IFT88: variants seen among roughly 807,000 people sequenced by gnomAD.
IFT88 encodes the protein intraflagellar transport protein 88 homolog.
IFT88 carries 74 observed loss-of-function variants against 119.5 expected under a neutral mutation model. That is an observed-to-expected ratio of 0.62 (90% CI 0.51 to 0.75). The LOEUF (loss-of-function observed/expected upper bound fraction) is 0.75. Among genes scored for constraint, IFT88 ranks in the 30% least tolerant of loss-of-function variants. IFT88 has a pLI of 0.00. For synonymous variants in IFT88, 279 were observed against 316.7 expected, an observed-to-expected ratio of 0.88 and a Z score of 1.26; for missense variants, 961 against 977.7, an observed-to-expected ratio of 0.98 and a Z score of 0.23.
At chr13:20,686,552 GAT>G (rs1391276577) in intron 24 of IFT88, among the ~76,000 whole-genome samples, 1 of 84,754 alleles carries the variant, frequency 1.2e-5, no homozygotes, top group Non-Finnish European at 2.3e-5. Context: ...TGGTGTTAAA[GAT>G]AAAGAAATTG....
In IFT88 at chr13:20,690,743, C is replaced by G. The variant is rs752479820; in HGVS notation, c.2281C>G (p.Arg761Gly). 1 of 1,613,486 alleles carries G rather than the reference C, an allele frequency of 6.2e-7. No individual in the cohort carries two copies. The highest frequency in any genetic ancestry group is 1.3e-5 in the African/African-American group (1 of 74,892). The change falls in exon 25 of 26, where the codon CGA becomes GGA. Residue 761 changes from arginine to glycine, a missense_variant. Arg to Gly is a moderately radical substitution (Grantham distance 125). Coordinates refer to ENST00000351808, the MANE Select transcript of IFT88 (RefSeq NM_006531.5). ...QNYSASSKGE[R>G]LSARLRALPG... ...CTATAGTGCCAGTAGTAAAGGTGAACGACTAAGTGCCAGACTCAGAGCTTT... is the reference window on the plus strand; with the variant it reads ...CTATAGTGCCAGTAGTAAAGGTGAAGGACTAAGTGCCAGACTCAGAGCTTT...
At chr13:20,676,923 G>A (rs997088165) in intron 24 of IFT88, among the ~76,000 whole-genome samples, 4 of 151,602 alleles carry the variant, frequency 2.6e-5, no homozygotes, top group African/African-American at 9.7e-5. Context: ...TTATATATAC[G>A]TGTGTGCTCA....
rs9552244 is a variant in IFT88, at chr13:20,567,683, A to G, written c.-7+427A>G. ...TTTTCTTGTTAGGTGAAGCACTTCA[A>G]ATTGCCTGATGAAAGTTGAATCAGG... On this transcript the variant is annotated intron_variant, in intron 1 of 25. Transcript: ENST00000351808. 0.086 allele frequency: 98,369 copies of G among 1,142,676 alleles called. 5,674 individuals are homozygous for G. Among genetic ancestry groups the G allele is most frequent in the East Asian group, 0.38 (9,059 of 24,130 alleles). 70.8% of individuals were successfully genotyped at this position (1,142,676 alleles called of 1,614,324 possible). A position where few individuals can be genotyped will look rare whatever the true frequency, so the allele number is the denominator to read the frequency against.
chr13:20,669,828 C>T (rs1386376314), intron 23 of IFT88, among the ~76,000 whole-genome samples: 3 of 152,052 alleles, frequency 2.0e-5, no homozygotes, highest in African/African-American at 7.2e-5. Flanking sequence ...TGTTTAAATT[C>T]TTACTTTGCT....
rs774101772 is a variant in IFT88 at position 20,583,071 on chromosome 13, A to T, written c.153+52A>T. ...TGTGGTAAAAAATACATAACATGAA[A>T]TTTACCAGATTAACCATTTTCACCT... On this transcript the variant is annotated intron_variant, in intron 3 of 25. Transcript: ENST00000351808. The T allele has an allele frequency of 5.5e-6, 6 of 1,096,120 alleles. No homozygotes were observed. The African/African-American group carries it at 7.8e-5, about 14-fold the overall frequency. The allele number at this position is 1,096,120 out of a possible 1,614,324, so 67.9% of individuals were successfully genotyped here.
Position 20,601,907 on chromosome 13 carries a change from G to T in IFT88, c.1015G>T (p.Asp339Tyr). The change falls in exon 12 of 26, where the codon GAT becomes TAT. Residue 339 changes from aspartate (D) to tyrosine (Y), a missense_variant. Physicochemically the swap from Asp to Tyr is radical, Grantham distance 160 (BLOSUM62 -3). Coordinates refer to ENST00000351808, the MANE Select transcript of IFT88 (RefSeq NM_006531.5). ...QKLITVPLEI[D>Y]EDKYISPSDD... Reference sequence around the variant, plus strand: ...ATTGATTACTGTTCCATTAGAAATTGATGAAGATAAATATATTTCACCAAG... The same window carrying T: ...ATTGATTACTGTTCCATTAGAAATTTATGAAGATAAATATATTTCACCAAG... The T allele has an allele frequency of 6.3e-7, 1 of 1,594,328 alleles. No homozygotes were observed. The highest frequency in any genetic ancestry group is 1.1e-5 in the South Asian group (1 of 90,636).
At chr13:20,586,136 G>A (rs2039623329) in intron 3 of IFT88, among the ~76,000 whole-genome samples, 1 of 152,192 alleles carries the variant, frequency 6.6e-6, no homozygotes, top group Admixed American at 6.5e-5. Context: ...TTATAGATGA[G>A]GAAACTGAAG....
chr13:20,592,427 G>A, intron 7 of IFT88, 23 bp downstream of exon 7: 1 of 1,517,840 alleles, frequency 6.6e-7, no homozygotes, highest in South Asian at 1.2e-5. Flanking sequence ...TTATGTTGTT[G>A]TTTGTTGTTG....
intron 19 of IFT88, among the ~76,000 whole-genome samples, chr13:20,643,916 G>C (rs1225896355): frequency 1.3e-5 from 2 of 152,122 alleles, no homozygotes; most frequent in Non-Finnish European, 2.9e-5. Flanking sequence ...ACCACGTGCA[G>C]CTAATTTTTG....
chr13:20,627,163 A>T lies in IFT88; in HGVS notation c.1299+1314A>T, dbSNP rs184148352. Among the ~76,000 whole-genome samples, 12 of 152,366 alleles carry T rather than the reference A, an allele frequency of 7.9e-5. No homozygotes were observed. In the East Asian group the frequency reaches 2.3e-3, roughly 29 times the overall value. ...TATGCTTAATTTTTTGAGCATTTAC[A>T]AAACATTTGAAAAAGACTTTTCAAA... is the stretch of plus-strand genomic sequence containing the variant. On this transcript the variant is annotated intron_variant, in intron 15 of 25. Transcript: ENST00000351808.
At chr13:20,607,562 G>T in intron 13 of IFT88, 2 of 727,098 alleles carry the variant, frequency 2.8e-6, no homozygotes, top group Non-Finnish European at 2.6e-6. Context: ...TCTCCAAAAA[G>T]ATCTTGAGAG....
At chr13:20,648,657 G>A (rs181688195) in intron 20 of IFT88, among the ~76,000 whole-genome samples, 2 of 152,050 alleles carry the variant, frequency 1.3e-5, no homozygotes, top group African/African-American at 2.4e-5. Context: ...AATAGCAGAA[G>A]CAAATCCTTC....
At chr13:20,588,394 T>C (rs958941050) in intron 3 of IFT88, among the ~76,000 whole-genome samples, 2 of 152,134 alleles carry the variant, frequency 1.3e-5, no homozygotes, top group African/African-American at 4.8e-5. Flanking sequence ...CACTTCTGAG[T>C]TTCTTTCTAT....
intron 16 of IFT88, among the ~76,000 whole-genome samples, chr13:20,636,529 G>A (rs1271380549): frequency 1.3e-5 from 2 of 152,100 alleles, no homozygotes; most frequent in Admixed American, 1.3e-4. Context: ...AATCCCCTTG[G>A]CCACATGTTG....
chr13:20,690,350 A>T (rs200148848), intron 24 of IFT88, among the ~76,000 whole-genome samples: 2 of 152,168 alleles, frequency 1.3e-5, no homozygotes, highest in Non-Finnish European at 2.9e-5. Flanking sequence ...ATCCTCAGTG[A>T]TACATATTAC....
At chr13:20,602,898 A>G (rs1391267851) in intron 12 of IFT88, among the ~76,000 whole-genome samples, 1 of 152,050 alleles carries the variant, frequency 6.6e-6, no homozygotes, top group African/African-American at 2.4e-5. Context: ...AAAAAAAGTG[A>G]AATAAATTCC....
At position 20,655,074 on chromosome 13, in the gene IFT88, C is replaced by T. The variant is rs566588899; in HGVS notation, c.2002+1146C>T. Reference sequence around the variant, plus strand: ...CCCAAATTCGTTTTTCCTATTTTGGCTGCTACATGAAGCTAAATTATTTTG... The same window carrying T: ...CCCAAATTCGTTTTTCCTATTTTGGTTGCTACATGAAGCTAAATTATTTTG... On this transcript the variant is annotated intron_variant, in intron 21 of 25. Coordinates refer to ENST00000351808, the MANE Select transcript of IFT88 (RefSeq NM_006531.5). 2.6e-5 allele frequency among the ~76,000 whole-genome samples: 4 copies of T among 152,266 alleles called. No homozygotes were observed. The South Asian group carries it at 8.3e-4, about 32-fold the overall frequency.
chr13:20,663,711 AT>A, intron 23 of IFT88, 107 bp downstream of exon 23: 1 of 780,980 alleles, frequency 1.3e-6, no homozygotes, highest in Non-Finnish European at 2.0e-6. Flanking sequence ...CAGAGTTGAA[AT>A]TTTTTTCTGC....
intron 24 of IFT88, among the ~76,000 whole-genome samples, chr13:20,674,752 G>A (rs1439087145): frequency 9.0e-6 from 1 of 110,854 alleles, no homozygotes; most frequent in Non-Finnish European, 1.7e-5. Flanking sequence ...TTTTGAGACA[G>A]AGTCTTGCTG....
Sources: allele counts gnomAD v4.1 joint callset (sites outside exome capture counted in the v4.1 genomes callset), GRCh38; gene constraint gnomAD v4.1.1; transcripts MANE v1.5; gene names NCBI Gene and HGNC (gene_info 2026-07-23, HGNC 2026-07-21).